Variants in KALRN observed in about 807,000 individuals in gnomAD.
The protein encoded by KALRN is kalirin RhoGEF kinase.
KALRN carries 70 observed loss-of-function variants against 353.7 expected under a neutral mutation model. The observed-to-expected ratio is 0.20, with a 90% confidence interval of 0.16 to 0.24. The LOEUF (loss-of-function observed/expected upper bound fraction) is 0.24, where lower values mean the gene tolerates loss of function less well. Among genes scored for constraint, KALRN ranks in the 10% least tolerant of loss-of-function variants. The probability of loss-of-function intolerance (pLI) is 1.00; values close to 1 mark genes in which losing one functional copy is unlikely to be tolerated. For synonymous variants in KALRN, 1,391 were observed against 1,434.8 expected, an observed-to-expected ratio of 0.97 and a Z score of 0.69; for missense variants, 2,791 against 3,756.7, an observed-to-expected ratio of 0.74 and a Z score of 6.72.
chr3:124,437,603 T>C (rs1337495019), intron 17 of KALRN, among the ~76,000 whole-genome samples: 1 of 133,784 alleles, frequency 7.5e-6, no homozygotes, highest in Non-Finnish European at 1.5e-5. Context: ...GGCAGGAGAA[T>C]CCCTTGAACC....
At chr3:124,558,860 A>G (rs1424899863) in intron 33 of KALRN, among the ~76,000 whole-genome samples, 3 of 152,202 alleles carry the variant, frequency 2.0e-5, no homozygotes, top group South Asian at 2.1e-4. Context: ...TGAAATGACA[A>G]CAGGAGAATT....
chr3:124,203,804 G>A (rs2076159366), intron 1 of KALRN, among the ~76,000 whole-genome samples: 1 of 152,188 alleles, frequency 6.6e-6, no homozygotes, highest in Non-Finnish European at 1.5e-5. Flanking sequence ...ATGGCAATTA[G>A]CCTTTCTACC....
At chr3:124,081,808 A>C (rs2060556769) in intron 1 of KALRN, among the ~76,000 whole-genome samples, 1 of 152,146 alleles carries the variant, frequency 6.6e-6, no homozygotes, top group Non-Finnish European at 1.5e-5. Flanking sequence ...AACAAAAAAC[A>C]GCGGTATACT....
chr3:124,308,352 A>G (rs1435259372), intron 6 of KALRN, among the ~76,000 whole-genome samples: 2 of 152,024 alleles, frequency 1.3e-5, no homozygotes, highest in Non-Finnish European at 2.9e-5. Flanking sequence ...CACTCCATCC[A>G]ACAATAGCAG....
intron 6 of KALRN, among the ~76,000 whole-genome samples, chr3:124,316,419 T>C (rs909574774): frequency 3.9e-5 from 6 of 152,240 alleles, no homozygotes; most frequent in African/African-American, 1.4e-4. Context: ...TCCCTTACCA[T>C]GGCTTACTGG....
At chr3:124,344,410 T>C (rs139785141) in intron 9 of KALRN, among the ~76,000 whole-genome samples, 3 of 152,348 alleles carry the variant, frequency 2.0e-5, no homozygotes, top group East Asian at 3.9e-4. Context: ...ACTCCCGAGG[T>C]TGGACGACAT....
chr3:124,203,374 T>G (rs2076125091), intron 1 of KALRN, among the ~76,000 whole-genome samples: 4 of 152,168 alleles, frequency 2.6e-5, no homozygotes, highest in Admixed American at 2.6e-4. Context: ...GGATGGAAAT[T>G]AAGACCAAGG....
intron 13 of KALRN, chr3:124,407,607 T>C (rs1221760952): frequency 1.3e-5 from 2 of 152,168 alleles, no homozygotes. Flanking sequence ...TAATTCTATA[T>C]AGGTTAATAT....
chr3:124,362,153 A>G (rs1055478266), intron 10 of KALRN, among the ~76,000 whole-genome samples: 1 of 152,208 alleles, frequency 6.6e-6, no homozygotes, highest in Non-Finnish European at 1.5e-5. Flanking sequence ...CCAGCATCAA[A>G]GAGCCCTGAG....
intron 10 of KALRN, among the ~76,000 whole-genome samples, chr3:124,350,142 T>G (rs1399311755): frequency 6.6e-6 from 1 of 152,190 alleles, no homozygotes; most frequent in African/African-American, 2.4e-5. Context: ...CATGTTTTGG[T>G]TATAGGCCGC....
At chr3:124,664,371 G>GCGCGCGCGCA (rs1553719844) in intron 45 of KALRN, among the ~76,000 whole-genome samples, 105 of 77,072 alleles carry the variant, frequency 1.4e-3, no homozygotes, top group African/African-American at 9.3e-3. Flanking sequence ...GTGTGTGTGT[G>GCGCGCGCGCA]CGCGCGCGCG....
chr3:124,230,190 G>A (rs2078992609), intron 2 of KALRN, among the ~76,000 whole-genome samples: 1 of 152,090 alleles, frequency 6.6e-6, no homozygotes, highest in Admixed American at 6.5e-5. Context: ...TTCTTTTTAT[G>A]GTCCTTAGTT....
At position 124,156,091 on chromosome 3, in the gene KALRN, T is replaced by C. The variant is rs566708291; in HGVS notation, c.74-71899T>C. On this transcript the variant is annotated intron_variant, in intron 1 of 59. Transcript: ENST00000682506. ...GCCAAGCCCTCATTCATCCAGAGAA[T>C]ACAGCTTCCTTCCATCAGCCAGATT... 7.2e-5 allele frequency among the ~76,000 whole-genome samples: 11 copies of C among 152,306 alleles called. No individual in the cohort carries two copies. In the East Asian group the frequency reaches 1.7e-3, roughly 24 times the overall value.
chr3:124,385,124 G>T (rs546378880), intron 11 of KALRN, 88 bp downstream of exon 11: 5 of 1,114,428 alleles, frequency 4.5e-6, no homozygotes, highest in Non-Finnish European at 6.4e-6. Context: ...TCTGACCAGG[G>T]TCCTGGGTAG....
At chr3:124,634,263 C>T (rs2081110200) in intron 36 of KALRN, among the ~76,000 whole-genome samples, 1 of 152,320 alleles carries the variant, frequency 6.6e-6, no homozygotes, top group African/African-American at 2.4e-5. Flanking sequence ...GGAGCAATTC[C>T]AGGTAGTTCC....
intron 6 of KALRN, among the ~76,000 whole-genome samples, chr3:124,309,424 G>A (rs1454969045): frequency 1.3e-5 from 2 of 152,142 alleles, no homozygotes; most frequent in Non-Finnish European, 2.9e-5. Flanking sequence ...AGCCAGACAT[G>A]GTGGTGCTCA....
chr3:124,473,041 C>G (rs769999945), intron 25 of KALRN, among the ~76,000 whole-genome samples: 7 of 152,210 alleles, frequency 4.6e-5, no homozygotes, highest in Non-Finnish European at 7.3e-5. Context: ...AAGAAGTCAT[C>G]TATTATCCCA....
intron 3 of KALRN, among the ~76,000 whole-genome samples, chr3:124,264,076 G>C (rs1197812007): frequency 6.7e-6 from 1 of 149,504 alleles, no homozygotes; most frequent in South Asian, 2.1e-4. Flanking sequence ...TTTTTTTGCG[G>C]TGGAGGGGAA....
intron 31 of KALRN, 58 bp downstream of exon 31, chr3:124,491,482 G>T: frequency 7.6e-7 from 1 of 1,307,800 alleles, no homozygotes; most frequent in Non-Finnish European, 1.0e-6. Flanking sequence ...AAGTGGGGGT[G>T]GGCAAGTGAC....
Sources: gnomAD v4.1 joint callset for allele counts (sites outside exome capture counted in the v4.1 genomes callset) on GRCh38, gnomAD v4.1.1 for gene constraint, MANE v1.5 for transcripts, NCBI Gene and HGNC (gene_info 2026-07-23, HGNC 2026-07-21) for gene names.